Variants in IGFALS observed in about 807,000 individuals in gnomAD.
The protein encoded by IGFALS is insulin-like growth factor-binding protein complex acid labile subunit.
A neutral mutation model predicts 2.6 loss-of-function variants in IGFALS; 2 were observed. The ratio of observed to expected loss-of-function variants is 0.77; its 90% CI spans 0.32 to 2.44. IGFALS has a LOEUF of 2.44. Ranked by LOEUF, IGFALS falls within the 30% of genes most tolerant of loss-of-function variation. IGFALS has a pLI of 0.11. For synonymous variants in IGFALS, 519 were observed against 431.9 expected, an observed-to-expected ratio of 1.20 and a Z score of -2.50; for missense variants, 996 against 848.7, an observed-to-expected ratio of 1.17 and a Z score of -2.16.
chr16:1,792,452 T>C (rs1897256879), intron 1 of IGFALS, 51 bp from the exon 2 acceptor site: 1 of 1,495,516 alleles, frequency 6.7e-7, no homozygotes, highest in Non-Finnish European at 8.9e-7. Context: ...TCTGCCCGAG[T>C]GAGCCTGATA....
At chr16:1,792,786 T>C (rs1451481337) in intron 1 of IGFALS, among the ~76,000 whole-genome samples, 2 of 152,196 alleles carry the variant, frequency 1.3e-5, no homozygotes, top group Non-Finnish European at 2.9e-5. Context: ...ACTGAGCCAT[T>C]GGCCAAGGTC....
upstream of IGFALS, chr16:1,793,712 C>T (rs927170345): frequency 1.3e-6 from 2 of 1,516,904 alleles, no homozygotes; most frequent in African/African-American, 1.4e-5. Flanking sequence ...CTGTGCCGGC[C>T]ACCCCTGCCC....
At position 1,792,406 on chromosome 16, in the gene IGFALS, G is replaced by A. The variant is rs35500047; in HGVS notation, c.17-5C>T. The A allele has an allele frequency of 1.5e-4, 232 of 1,556,466 alleles. No homozygotes were observed. In the African/African-American group the frequency reaches 2.5e-3, roughly 17 times the overall value. On this transcript the variant is annotated splice_region_variant and splice_polypyrimidine_tract_variant and intron_variant, in intron 1 of 1. Transcript: ENST00000215539. Reference sequence around the variant, plus strand: ...GCAGCGCCAGGGCCAGGCCTCCTGCGGGGGGAGAGGCTTGGGGAGGCGGCC... The same window carrying A: ...GCAGCGCCAGGGCCAGGCCTCCTGCAGGGGGAGAGGCTTGGGGAGGCGGCC...
In IGFALS at chr16:1,792,221, G is replaced by A. The variant is rs145465654; in HGVS notation, c.197C>T (p.Thr66Met). 68 of 1,607,462 alleles carry A rather than the reference G, an allele frequency of 4.2e-5. No individual in the cohort carries two copies. The highest frequency in any genetic ancestry group is 2.4e-4 in the South Asian group (22 of 91,032). Residue 66 changes from threonine (T) to methionine (M), a missense_variant, in exon 2 of 2, where the codon ACG becomes ATG. By Grantham distance (81) the Thr-to-Met change is moderately conservative (BLOSUM62 -1). Coordinates refer to ENST00000215539, the MANE Select transcript of IGFALS (RefSeq NM_004970.3). ...GCCCGGGACTCCATCAGGCAGGCGC[G>A]TGAGGTTCCTGGAGCTGCAGAAGAC... ...LSVFCSSRNL[T>M]RLPDGVPGGT... is the part of the protein sequence containing the mutation.
chr16:1,794,498 T>C (rs1567243490), upstream of IGFALS, among the ~76,000 whole-genome samples: 1 of 152,114 alleles, frequency 6.6e-6, no homozygotes, highest in Non-Finnish European at 1.5e-5. Flanking sequence ...CAGTCACCGC[T>C]TGTGTGCAGA....
Position 1,791,832 on chromosome 16 carries a change from G to A in IGFALS, c.586C>T (p.Leu196=), listed in dbSNP as rs565479316. The A allele has an allele frequency of 6.5e-7, 1 of 1,550,110 alleles. No homozygotes were observed. Among genetic ancestry groups the A allele is most frequent in the Non-Finnish European group, 8.7e-7 (1 of 1,148,948 alleles). Residue 196 remains leucine, a synonymous_variant, in exon 2 of 2, where the codon CTG becomes TTG. Transcript: ENST00000215539. ...TTGCCCGCCAGCACCAGCTCGCGCA[G>A]GCTGCCCAGGCCGCGGAACGCCGCA... ...PDAAFRGLGS[L]RELVLAGNRL...
chr16:1,794,734 AGT>A (rs1402590736), upstream of IGFALS: 16 of 656,902 alleles, frequency 2.4e-5, no homozygotes, highest in East Asian at 2.2e-4. Flanking sequence ...GCAGTGGGAA[AGT>A]GTGCAGGGAA....
chr16:1,792,976 G>A (rs1424605039), intron 1 of IGFALS, among the ~76,000 whole-genome samples: 2 of 152,202 alleles, frequency 1.3e-5, no homozygotes, highest in African/African-American at 4.8e-5. Flanking sequence ...GCCGTCGGGG[G>A]ACAGGTAGGA....
chr16:1,791,463 G>A lies in IGFALS; in HGVS notation c.955C>T (p.Leu319=). The change falls in exon 2 of 2, where the codon CTG becomes TTG. Residue 319 remains leucine, a synonymous_variant. Coordinates refer to ENST00000215539, the MANE Select transcript of IGFALS (RefSeq NM_004970.3). ...TFKDLHFLEE[L]QLGHNRIRQL... is the part of the protein sequence containing the mutation. ...CGGATGCGGTTGTGGCCCAGCTGCA[G>A]CTCCTCCAGGAAGTGCAGGTCCTTG... The A allele has an allele frequency of 6.2e-7, 1 of 1,612,350 alleles. No homozygotes were observed. Among genetic ancestry groups the A allele is most frequent in the South Asian group, 1.1e-5 (1 of 91,048 alleles).
In IGFALS at chr16:1,791,587, G is replaced by A. The variant is rs778495654; in HGVS notation, c.831C>T (p.Arg277=). ...ALRWLDLSHN[R]VAGLLEDTFP... ...ACGTGTCCTCCAGGAGGCCAGCCAC[G>A]CGGTTGTGGGACAGGTCCAGCCATC... is the stretch of plus-strand genomic sequence containing the variant. Residue 277 remains arginine (R), a synonymous_variant, in exon 2 of 2, where the codon CGC becomes CGT. Coordinates refer to ENST00000215539, the MANE Select transcript of IGFALS (RefSeq NM_004970.3). 6 of 1,563,202 alleles carry A rather than the reference G, an allele frequency of 3.8e-6. No homozygotes were observed. In the African/African-American group the frequency reaches 4.1e-5, roughly 11 times the overall value.
chr16:1,792,714 C>A (rs1245243299), intron 1 of IGFALS, among the ~76,000 whole-genome samples: 4 of 152,214 alleles, frequency 2.6e-5, no homozygotes, highest in Admixed American at 1.3e-4. Context: ...GGCAGCCGCA[C>A]CCCCAAGGCA....
chr16:1,793,572 C>T, intron 1 of IGFALS, 65 bp downstream of exon 1: 1 of 1,518,262 alleles, frequency 6.6e-7, no homozygotes. Flanking sequence ...GGCCTCTCCC[C>T]AGCGGGCTCA....
At position 1,792,219 on chromosome 16, in the gene IGFALS, G is replaced by T; in HGVS notation, c.199C>A (p.Arg67Ser). The change falls in exon 2 of 2, where the codon CGC becomes AGC. Residue 67 changes from arginine to serine, a missense_variant. Coordinates refer to ENST00000215539, the MANE Select transcript of IGFALS (RefSeq NM_004970.3). ...SVFCSSRNLT[R>S]LPDGVPGGTQ... ...CCGCCCGGGACTCCATCAGGCAGGCGCGTGAGGTTCCTGGAGCTGCAGAAG... is the reference window on the plus strand; with the variant it reads ...CCGCCCGGGACTCCATCAGGCAGGCTCGTGAGGTTCCTGGAGCTGCAGAAG... 1 of 1,607,838 alleles carries T rather than the reference G, an allele frequency of 6.2e-7. No homozygotes were observed.
chr16:1,793,834 C>T (rs1897283296), upstream of IGFALS: 3 of 553,076 alleles, frequency 5.4e-6, no homozygotes, highest in Non-Finnish European at 9.6e-6. Context: ...CAGCCCGGAG[C>T]CCTGGGGTGC....
Position 1,790,578 on chromosome 16 carries a change from G to A in IGFALS, c.*22C>T. On this transcript the variant is annotated 3_prime_UTR_variant, in exon 2 of 2. Coordinates refer to ENST00000215539, the MANE Select transcript of IGFALS (RefSeq NM_004970.3). ...TGAGCCAGGTGGGGGCCTGAGTCCG[G>A]GGCTTGAGTCCGGGGACCTGGTCAG... 5.2e-6 allele frequency: 8 copies of A among 1,550,590 alleles called. No individual in the cohort carries two copies. Among genetic ancestry groups the A allele is most frequent in the Non-Finnish European group, 7.0e-6 (8 of 1,146,054 alleles).
rs565479316 is a variant in IGFALS at position 1,791,832 on chromosome 16, G to C, written c.586C>G (p.Leu196Val). The change falls in exon 2 of 2, where the codon CTG becomes GTG. Residue 196 changes from leucine (L) to valine (V), a missense_variant. Coordinates refer to ENST00000215539, the MANE Select transcript of IGFALS (RefSeq NM_004970.3). ...PDAAFRGLGS[L>V]RELVLAGNRL... ...TTGCCCGCCAGCACCAGCTCGCGCA[G>C]GCTGCCCAGGCCGCGGAACGCCGCA... 1.3e-6 allele frequency: 2 copies of C among 1,550,110 alleles called. No individual in the cohort carries two copies. The highest frequency in any genetic ancestry group is 1.4e-5 in the African/African-American group (1 of 73,364).
At chr16:1,793,277 G>T (rs957860392) in intron 1 of IGFALS, among the ~76,000 whole-genome samples, 1 of 152,106 alleles carries the variant, frequency 6.6e-6, no homozygotes, top group African/African-American at 2.4e-5. Flanking sequence ...GAGACAATGG[G>T]GTGTGAGCCA....
At chr16:1,792,546 A>G (rs776329952) in intron 1 of IGFALS, 145 bp from the exon 2 acceptor site, 1 of 1,402,176 alleles carries the variant, frequency 7.1e-7, no homozygotes, top group South Asian at 1.5e-5. Context: ...TGAGCCCCAC[A>G]GGTCCTCCGG....
At chr16:1,794,861 G>C (rs1770233358), upstream of IGFALS, 8 of 702,180 alleles carry the variant, frequency 1.1e-5, no homozygotes. Context: ...GTGCAGAGCT[G>C]TGGGAAGCCG....
Sources: allele counts gnomAD v4.1 joint callset (sites outside exome capture counted in the v4.1 genomes callset), GRCh38; gene constraint gnomAD v4.1.1; transcripts MANE v1.5; gene names NCBI Gene and HGNC (gene_info 2026-07-23, HGNC 2026-07-21).